CEP63: variants seen among roughly 807,000 people sequenced by gnomAD.
CEP63 encodes the protein centrosomal protein 63, also known as centrosomal protein of 63 kDa.
A neutral mutation model predicts 89.1 loss-of-function variants in CEP63; 84 were observed. That is an observed-to-expected ratio of 0.94 (90% confidence interval 0.79 to 1.13). CEP63 has a LOEUF of 1.13. Among genes scored for constraint, CEP63 ranks in the 50% most tolerant of loss-of-function variants. The pLI is 0.00. For synonymous variants in CEP63, 267 were observed against 272.5 expected (o/e 0.98, Z 0.20); for missense variants, 838 against 813.3 (o/e 1.03, Z -0.37).
At chr3:134,605,273 G>A in the CEP63 span, among the ~76,000 whole-genome samples, 26 of 152,116 alleles carry the variant, frequency 1.7e-4, no homozygotes, top group South Asian at 2.1e-4. Flanking sequence ...GGGAGGGACC[G>A]TGGCTTCTCT....
intron 4 of CEP63, 41 bp downstream of exon 4, chr3:134,531,981 C>G (rs1310215622): frequency 7.2e-7 from 1 of 1,383,826 alleles, no homozygotes; most frequent in African/African-American, 1.4e-5. Flanking sequence ...GTGTAGTTCT[C>G]TCTCTTTCAC....
At chr3:134,590,446 T>C (rs574205393), downstream of CEP63, among the ~76,000 whole-genome samples, 20 of 152,202 alleles carry the variant, frequency 1.3e-4, 1 homozygote, top group African/African-American at 4.6e-4. Context: ...TTTACCACAT[T>C]ATCAAAAATA....
chr3:134,567,102 T>G (rs1446511221), downstream of CEP63, among the ~76,000 whole-genome samples: 4 of 151,716 alleles, frequency 2.6e-5, no homozygotes, highest in Non-Finnish European at 2.9e-5. Context: ...GAATGAAGTA[T>G]TATACTACTG....
At chr3:134,557,152 A>C (rs543719872) in intron 12 of CEP63, among the ~76,000 whole-genome samples, 8 of 152,274 alleles carry the variant, frequency 5.3e-5, no homozygotes, top group Non-Finnish European at 1.2e-4. Flanking sequence ...CTGATAAATT[A>C]CTGACCATGT....
intron 11 of CEP63, 130 bp from the exon 12 acceptor site, chr3:134,551,796 A>AC: frequency 4.7e-6 from 1 of 213,748 alleles, no homozygotes; most frequent in Non-Finnish European, 8.7e-6. Flanking sequence ...TATATATATA[A>AC]ATATGTATAT....
chr3:134,664,969 G>C, the CEP63 span, among the ~76,000 whole-genome samples: 1 of 152,130 alleles, frequency 6.6e-6, no homozygotes, highest in African/African-American at 2.4e-5. Flanking sequence ...GGAAATGGTG[G>C]GAGCAACAGG....
At chr3:134,600,175 C>G in the CEP63 span, among the ~76,000 whole-genome samples, 1 of 152,210 alleles carries the variant, frequency 6.6e-6, no homozygotes, top group Non-Finnish European at 1.5e-5. Context: ...TGTTAACCCT[C>G]TGTTTGCTGC....
At position 134,505,595 on chromosome 3, in the gene CEP63, G is replaced by A. The variant is rs9826496; in HGVS notation, c.45-1514G>A. ...GCAGGGCAGATCAATCCCCAGGCCC[G>A]TGGGTGACATGCACAGGCACCAGTG... On this transcript the variant is annotated intron_variant, in intron 2 of 14. Transcript: ENST00000675561. Among the ~76,000 whole-genome samples, 42 of 152,068 alleles carry A rather than the reference G, an allele frequency of 2.8e-4. 1 individual carries two copies. Among genetic ancestry groups the A allele is most frequent in the African/African-American group, 1.0e-3 (42 of 41,468 alleles).
chr3:134,610,252 A>C, the CEP63 span: 1 of 1,613,946 alleles, frequency 6.2e-7, no homozygotes, highest in Non-Finnish European at 8.5e-7. Context: ...GGTGCTGTCC[A>C]CCAGGTGCCA....
the CEP63 span, among the ~76,000 whole-genome samples, chr3:134,685,633 T>A: frequency 1.3e-4 from 20 of 152,220 alleles, no homozygotes; most frequent in Non-Finnish European, 4.4e-5. Flanking sequence ...GCCACCCTTT[T>A]CTTAGCTGGT....
At chr3:134,726,313 C>T in the CEP63 span, among the ~76,000 whole-genome samples, 1 of 152,154 alleles carries the variant, frequency 6.6e-6, no homozygotes, top group Non-Finnish European at 1.5e-5. Context: ...GGCCACTGTG[C>T]ACATTAGTAA....
chr3:134,514,230 T>A (rs537770800), intron 3 of CEP63, among the ~76,000 whole-genome samples: 92 of 152,174 alleles, frequency 6.0e-4, no homozygotes, highest in African/African-American at 2.1e-3. Context: ...TCTTAAAGAT[T>A]AAGGGATAAT....
the CEP63 span, among the ~76,000 whole-genome samples, chr3:134,742,068 A>G: frequency 3.9e-5 from 6 of 151,906 alleles, no homozygotes; most frequent in Non-Finnish European, 7.4e-5. Flanking sequence ...ACTTGATTCC[A>G]TTTATTCCTT....
the CEP63 span, chr3:134,604,058 T>C: frequency 6.2e-7 from 1 of 1,613,920 alleles, no homozygotes; most frequent in Non-Finnish European, 8.5e-7. Context: ...TCCTCAGTGA[T>C]GGGGCCATCA....
At chr3:134,643,677 C>T in the CEP63 span, among the ~76,000 whole-genome samples, 1 of 152,232 alleles carries the variant, frequency 6.6e-6, no homozygotes, top group East Asian at 1.9e-4. Flanking sequence ...GTAGCCATAA[C>T]TCCCAACTTT....
the CEP63 span, chr3:134,647,358 A>T: frequency 8.3e-7 from 1 of 1,205,388 alleles, no homozygotes; most frequent in South Asian, 1.3e-5. Context: ...CTAGTCTTCA[A>T]ATGAGTGAAA....
At chr3:134,766,256 C>T in the CEP63 span, among the ~76,000 whole-genome samples, 1 of 152,188 alleles carries the variant, frequency 6.6e-6, no homozygotes. Flanking sequence ...AGAGGGTCAA[C>T]GCTGCAGATG....
the CEP63 span, among the ~76,000 whole-genome samples, chr3:134,632,823 A>G: frequency 6.6e-6 from 1 of 152,016 alleles, no homozygotes; most frequent in Non-Finnish European, 1.5e-5. Flanking sequence ...GGTTCTTTTT[A>G]AAGATCAGTA....
At chr3:134,673,514 C>T in the CEP63 span, among the ~76,000 whole-genome samples, 1 of 152,258 alleles carries the variant, frequency 6.6e-6, no homozygotes, top group African/African-American at 2.4e-5. Context: ...ACACGCCTGA[C>T]AAAACATCAA....
Sources: allele counts gnomAD v4.1 joint callset (sites outside exome capture counted in the v4.1 genomes callset), GRCh38; gene constraint gnomAD v4.1.1; transcripts MANE v1.5; gene names NCBI Gene and HGNC (gene_info 2026-07-23, HGNC 2026-07-21).